PHF24: variants seen among roughly 807,000 people sequenced by gnomAD.
PHF24 encodes the protein PHD finger protein 24, also known as Galpha inhibitory interacting protein.
In PHF24, 25 loss-of-function variants were observed where a neutral mutation model predicts 42.6. The ratio of observed to expected loss-of-function variants is 0.59; its 90% CI spans 0.43 to 0.82. The LOEUF is 0.82. Among genes scored for constraint, PHF24 ranks in the 40% least tolerant of loss-of-function variants. The pLI is 0.00. For synonymous variants in PHF24, 185 were observed against 204.8 expected, an observed-to-expected ratio of 0.90 and a Z score of 0.83; for missense variants, 470 against 538.1, an observed-to-expected ratio of 0.87 and a Z score of 1.25.
the PHF24 span, among the ~76,000 whole-genome samples, chr9:34,825,013 G>A: frequency 6.6e-6 from 1 of 152,198 alleles, no homozygotes; most frequent in Admixed American, 6.5e-5. Context: ...GTGGTCGATA[G>A]GGGTGGGATT....
chr9:34,795,900 G>T, the PHF24 span, among the ~76,000 whole-genome samples: 8 of 151,862 alleles, frequency 5.3e-5, no homozygotes, highest in Non-Finnish European at 1.2e-4. Context: ...TGCTTGGGAG[G>T]CTGAGGTGTA....
chr9:34,929,644 G>A, the PHF24 span, among the ~76,000 whole-genome samples: 6 of 152,186 alleles, frequency 3.9e-5, no homozygotes, highest in African/African-American at 1.2e-4. Flanking sequence ...ATCAAATATC[G>A]TTAAGCTGTG....
chr9:34,825,246 G>A, the PHF24 span, among the ~76,000 whole-genome samples: 2 of 151,994 alleles, frequency 1.3e-5, no homozygotes, highest in African/African-American at 2.4e-5. Flanking sequence ...GGCCCTCAGG[G>A]TGATGGGTGT....
the PHF24 span, among the ~76,000 whole-genome samples, chr9:34,704,733 G>A: frequency 6.6e-6 from 1 of 152,172 alleles, no homozygotes; most frequent in African/African-American, 2.4e-5. Context: ...CTACTCAGGA[G>A]GCTGAGGTGG....
At chr9:34,911,269 T>C in the PHF24 span, among the ~76,000 whole-genome samples, 1 of 151,868 alleles carries the variant, frequency 6.6e-6, no homozygotes, top group African/African-American at 2.4e-5. Flanking sequence ...TTTCTTTTTC[T>C]TTTGAGACAG....
At chr9:34,877,537 G>A in the PHF24 span, among the ~76,000 whole-genome samples, 17 of 152,228 alleles carry the variant, frequency 1.1e-4, no homozygotes, top group African/African-American at 3.9e-4. Context: ...ATGAAAAAGC[G>A]TTTGAAATAG....
At chr9:34,972,314 C>A in intron 2 of PHF24, 32 bp from the exon 3 acceptor site, 1 of 1,566,618 alleles carries the variant, frequency 6.4e-7, no homozygotes, top group Non-Finnish European at 8.7e-7. Context: ...TACATTTACA[C>A]ATCCCTGTTT....
chr9:34,723,970 G>A, the PHF24 span: 3 of 1,550,990 alleles, frequency 1.9e-6, no homozygotes, highest in Non-Finnish European at 2.6e-6. Context: ...GGGGTGTCTT[G>A]TTTGGAAGCA....
At chr9:34,877,668 C>T in the PHF24 span, among the ~76,000 whole-genome samples, 14 of 151,814 alleles carry the variant, frequency 9.2e-5, no homozygotes, top group Non-Finnish European at 2.1e-4. Flanking sequence ...TTTTTTAATG[C>T]TCAGTGATTA....
chr9:34,759,701 G>A, the PHF24 span, among the ~76,000 whole-genome samples: 2 of 152,270 alleles, frequency 1.3e-5, no homozygotes, highest in South Asian at 4.1e-4. Flanking sequence ...GAATCACCAT[G>A]TTCTGCAAAT....
At chr9:34,801,005 A>G in the PHF24 span, among the ~76,000 whole-genome samples, 17 of 152,242 alleles carry the variant, frequency 1.1e-4, no homozygotes, top group African/African-American at 3.6e-4. Context: ...GGCAAAGGAT[A>G]TGAACAGACA....
the PHF24 span, chr9:34,917,484 A>G: frequency 2.0e-4 from 158 of 771,080 alleles, no homozygotes; most frequent in Non-Finnish European, 4.8e-6. Context: ...GAAGTTTTCA[A>G]GTACAATCGA....
At chr9:34,935,026 T>G in the PHF24 span, among the ~76,000 whole-genome samples, 4 of 152,072 alleles carry the variant, frequency 2.6e-5, no homozygotes, top group Non-Finnish European at 4.4e-5. Context: ...GAGCCCTGAG[T>G]CAACATTTAG....
At chr9:34,767,217 C>T in the PHF24 span, among the ~76,000 whole-genome samples, 3 of 152,224 alleles carry the variant, frequency 2.0e-5, no homozygotes, top group Non-Finnish European at 4.4e-5. Context: ...CTGGCAGAAC[C>T]ACTGCTCTCT....
chr9:34,979,688 C>T (rs542090723), exon 8 of PHF24: 5 of 152,324 alleles, frequency 3.3e-5, no homozygotes, highest in East Asian at 1.9e-4. Flanking sequence ...CTGAATGTTT[C>T]GAGGAAAGCA....
chr9:34,690,957 C>G, the PHF24 span: 1 of 740,968 alleles, frequency 1.3e-6, no homozygotes, highest in East Asian at 2.8e-5. Flanking sequence ...CCAGGCTCAC[C>G]GAAATATACA....
chr9:34,906,450 GAGT>G, the PHF24 span, among the ~76,000 whole-genome samples: 2 of 152,018 alleles, frequency 1.3e-5, no homozygotes, highest in Admixed American at 1.3e-4. Flanking sequence ...TAAAAATTTG[GAGT>G]CAGCAGAAAG....
At chr9:34,740,220 C>T in the PHF24 span, among the ~76,000 whole-genome samples, 1 of 152,218 alleles carries the variant, frequency 6.6e-6, no homozygotes, top group Non-Finnish European at 1.5e-5. Flanking sequence ...TCTGCCAGTC[C>T]CCGGCCGTGC....
chr9:34,883,164 T>C, the PHF24 span, among the ~76,000 whole-genome samples: 3 of 152,160 alleles, frequency 2.0e-5, no homozygotes, highest in Admixed American at 1.3e-4. Flanking sequence ...TAGCCATATG[T>C]AGAAAGCTGA....
Sources: gnomAD v4.1 joint callset for allele counts (sites outside exome capture counted in the v4.1 genomes callset) on GRCh38, gnomAD v4.1.1 for gene constraint, MANE v1.5 for transcripts, NCBI Gene and HGNC (gene_info 2026-07-23, HGNC 2026-07-21) for gene names.